The following CFTR variants were observed in gnomAD, a reference collection of about 807,000 sequenced individuals.
CFTR encodes the protein CF transmembrane conductance regulator.
Under a neutral mutation model 171.6 loss-of-function variants are expected in CFTR, and 181 were observed. The observed-to-expected ratio is 1.05, with a 90% CI of 0.93 to 1.19. The LOEUF (loss-of-function observed/expected upper bound fraction) is 1.19, where lower values mean the gene tolerates loss of function less well. CFTR is among the 50% of genes most tolerant of loss of function. The pLI, the probability that CFTR is intolerant of heterozygous loss-of-function variation, is 0.00. For synonymous variants in CFTR, 583 were observed against 608.0 expected (o/e 0.96, Z 0.60); for missense variants, 1,968 against 1,734.7 (o/e 1.13, Z -2.39).
At chr7:117,550,929 T>G (rs1212716373) in intron 10 of CFTR, among the ~76,000 whole-genome samples, 1 of 152,174 alleles carries the variant, frequency 6.6e-6, no homozygotes, top group Non-Finnish European at 1.5e-5. Context: ...ATGGAACACT[T>G]TATAGTTTTT....
chr7:117,484,684 A>G (rs1554373547), intron 1 of CFTR, among the ~76,000 whole-genome samples: 1 of 151,724 alleles, frequency 6.6e-6, no homozygotes, highest in Non-Finnish European at 1.5e-5. Flanking sequence ...CAAAAATTAT[A>G]ATTACATTTA....
chr7:117,531,240 T>G, intron 4 of CFTR, 126 bp downstream of exon 4: 2 of 700,168 alleles, frequency 2.9e-6, no homozygotes, highest in South Asian at 3.3e-5. Flanking sequence ...AATATGCCTA[T>G]TAAATAAATG....
At chr7:117,560,994 T>C (rs1799455445) in intron 11 of CFTR, among the ~76,000 whole-genome samples, 1 of 152,056 alleles carries the variant, frequency 6.6e-6, no homozygotes, top group Admixed American at 6.5e-5. Context: ...TGTTTTCCCA[T>C]AGGAATTAAT....
chr7:117,654,346 A>T (rs921954886), intron 24 of CFTR, among the ~76,000 whole-genome samples: 1 of 152,076 alleles, frequency 6.6e-6, no homozygotes, highest in Non-Finnish European at 1.5e-5. Context: ...CCATCCCCCT[A>T]CAGTTGTGCT....
intron 10 of CFTR, among the ~76,000 whole-genome samples, chr7:117,549,780 C>T (rs1475821206): frequency 7.0e-6 from 1 of 143,596 alleles, no homozygotes; most frequent in African/African-American, 2.6e-5. Context: ...TAATCTAAGA[C>T]AAACAGAAAA....
intron 11 of CFTR, among the ~76,000 whole-genome samples, chr7:117,584,907 A>G (rs914832666): frequency 1.4e-5 from 2 of 144,570 alleles, no homozygotes; most frequent in Admixed American, 1.4e-4. Context: ...GTATATTTTC[A>G]TGTATTTTAG....
At chr7:117,595,274 G>A (rs993453872) in intron 15 of CFTR, among the ~76,000 whole-genome samples, 4 of 150,638 alleles carry the variant, frequency 2.7e-5, no homozygotes, top group Non-Finnish European at 5.9e-5. Context: ...GATTCATATA[G>A]TTCTTAGCTT....
In CFTR at chr7:117,665,455, C is replaced by T. The variant is rs766178879; in HGVS notation, c.4137-4C>T. ...TTATGTGTGGTATTTTCTTTCTTTT[C>T]TAGAACATACCAAATAATTAGAAGA... On this transcript the variant is annotated splice_region_variant and splice_polypyrimidine_tract_variant and intron_variant, in intron 25 of 26. Coordinates refer to ENST00000003084, the MANE Select transcript of CFTR (RefSeq NM_000492.4). 2 of 1,555,536 alleles carry T rather than the reference C, an allele frequency of 1.3e-6. No homozygotes were observed. Among genetic ancestry groups the T allele is most frequent in the Admixed American group, 3.3e-5 (2 of 59,838 alleles).
At position 117,592,340 on chromosome 7, in the gene CFTR, G is replaced by A. The variant is rs199791061; in HGVS notation, c.2173G>A (p.Glu725Lys). ...GACTCCCTTACAAATGAATGGCATC[G>A]AAGAGGATTCTGATGAGCCTTTAGA... ...QKTPLQMNGI[E>K]EDSDEPLERR... is the part of the protein sequence containing the mutation. The change falls in exon 14 of 27, where the codon GAA (glutamate) becomes AAA (lysine). Residue 725 changes from glutamate to lysine, a missense_variant. Physicochemically the swap from Glu to Lys is moderately conservative, Grantham distance 56. Transcript: ENST00000003084. The A allele has an allele frequency of 1.1e-4, 178 of 1,614,062 alleles. No individual in the cohort carries two copies. The highest frequency in any genetic ancestry group is 1.5e-4 in the Admixed American group (9 of 60,014).
In CFTR at chr7:117,576,468, A is replaced by AG. The variant is rs369993845; in HGVS notation, c.1585-11268dup. Among the ~76,000 whole-genome samples the AG allele has an allele frequency of 2.6e-3, 393 of 152,222 alleles. 2 individuals carry two copies. Among genetic ancestry groups the AG allele is most frequent in the African/African-American group, 9.0e-3 (372 of 41,544 alleles). On this transcript the variant is annotated intron_variant, in intron 11 of 26. Coordinates refer to ENST00000003084, the MANE Select transcript of CFTR (RefSeq NM_000492.4). ...ATGCAAATACTACCCCATTTATATA[A>AG]GGGTCTTGAGCATTCATGGATTTTG...
rs761669740 is a variant in CFTR, at chr7:117,666,961, C to T, written c.4296C>T (p.Asn1432=). The change falls in exon 27 of 27, where the codon AAC becomes AAT. Residue 1432 remains asparagine (N), a synonymous_variant. Transcript: ENST00000003084. ...ACGATTCCATCCAGAAACTGCTGAA[C>T]GAGAGGAGCCTCTTCCGGCAAGCCA... ...RQYDSIQKLL[N]ERSLFRQAIS... The T allele has an allele frequency of 5.1e-5, 82 of 1,613,908 alleles. 1 individual carries two copies. In the Admixed American group the frequency reaches 8.0e-4, roughly 16 times the overall value.
rs1367899158 is a variant in CFTR, at chr7:117,627,667, C to A, written c.3614C>A (p.Pro1205His). Residue 1205 changes from proline (P) to histidine (H), a missense_variant, in exon 22 of 27, where the codon CCC (proline) becomes CAC (histidine). By Grantham distance (77) the Pro-to-His change is moderately conservative. Coordinates refer to ENST00000003084, the MANE Select transcript of CFTR (RefSeq NM_000492.4). ...CACGTGAAGAAAGATGACATCTGGC[C>A]CTCAGGGGGCCAAATGACTGTCAAA... ...NSHVKKDDIW[P>H]SGGQMTVKDL... 1 of 1,613,160 alleles carries A rather than the reference C, an allele frequency of 6.2e-7. No individual in the cohort carries two copies. Among genetic ancestry groups the A allele is most frequent in the Admixed American group, 1.7e-5 (1 of 59,914 alleles).
chr7:117,599,367 G>A (rs1055136432), intron 15 of CFTR, among the ~76,000 whole-genome samples: 1 of 151,974 alleles, frequency 6.6e-6, no homozygotes, highest in Non-Finnish European at 1.5e-5. Context: ...CCTTTAAAAT[G>A]GTATATACTT....
intron 24 of CFTR, among the ~76,000 whole-genome samples, chr7:117,657,659 G>A (rs1380423881): frequency 6.6e-6 from 1 of 152,116 alleles, no homozygotes; most frequent in East Asian, 1.9e-4. Flanking sequence ...AGGACTTTCC[G>A]GGGCAAACCA....
Position 117,536,590 on chromosome 7 carries a change from C to T in CFTR, c.786C>T (p.Thr262=). 1.2e-6 allele frequency: 2 copies of T among 1,606,710 alleles called. No individual in the cohort carries two copies. The highest frequency in any genetic ancestry group is 2.2e-5 in the South Asian group (2 of 90,326). ...AGATCAGTGAAAGACTTGTGATTAC[C>T]TCAGAAATGATTGAAAATATCCAAT... The part of the protein sequence containing the change: ...AGKISERLVI[T]SEMIENIQSV... Residue 262 remains threonine, a synonymous_variant, in exon 7 of 27, where the codon ACC becomes ACT. Transcript: ENST00000003084.
chr7:117,583,241 A>C (rs1791875544), intron 11 of CFTR, among the ~76,000 whole-genome samples: 1 of 152,088 alleles, frequency 6.6e-6, no homozygotes. Context: ...TAAGTGCTTT[A>C]GTGGTGATTT....
At position 117,655,140 on chromosome 7, in the gene CFTR, A is replaced by C. The variant is rs35647432; in HGVS notation, c.3963+2209A>C. Among the ~76,000 whole-genome samples the C allele has an allele frequency of 8.3e-3, 1,262 of 152,298 alleles. 20 individuals are homozygous for C. Among genetic ancestry groups the C allele is most frequent in the African/African-American group, 0.029 (1,189 of 41,564 alleles). ...CTGAGCAGGCTTTCTCATCTTTCAC[A>C]ATATGGATAGGCTGAGAATTTTCCA... On this transcript the variant is annotated intron_variant, in intron 24 of 26. Transcript: ENST00000003084.
At chr7:117,639,440 G>A (rs1562922468) in intron 22 of CFTR, among the ~76,000 whole-genome samples, 1 of 151,894 alleles carries the variant, frequency 6.6e-6, no homozygotes, top group East Asian at 1.9e-4. Flanking sequence ...AATGCCTACT[G>A]GGAACTTAAT....
chr7:117,571,587 G>A (rs1047389286), intron 11 of CFTR, among the ~76,000 whole-genome samples: 1 of 152,084 alleles, frequency 6.6e-6, no homozygotes, highest in Admixed American at 6.5e-5. Flanking sequence ...GTTTAAGGTA[G>A]AGCCAGAATA....
Sources: gnomAD v4.1 joint callset for allele counts (sites outside exome capture counted in the v4.1 genomes callset) on GRCh38, gnomAD v4.1.1 for gene constraint, MANE v1.5 for transcripts, NCBI Gene and HGNC (gene_info 2026-07-23, HGNC 2026-07-21) for gene names.